SCN11A: variants seen among roughly 807,000 people sequenced by gnomAD.
The protein encoded by SCN11A is sodium voltage-gated channel alpha subunit 11.
Under a neutral mutation model 162.2 loss-of-function variants are expected in SCN11A, and 122 were observed. The ratio of observed to expected loss-of-function variants is 0.75; its 90% CI spans 0.65 to 0.87. SCN11A has a LOEUF of 0.87. Among genes scored for constraint, SCN11A ranks in the 40% least tolerant of loss-of-function variants. The pLI is 0.00. For synonymous variants in SCN11A, 758 were observed against 751.5 expected, an observed-to-expected ratio of 1.01 and a Z score of -0.14; for missense variants, 2,015 against 2,181.6, an observed-to-expected ratio of 0.92 and a Z score of 1.52.
intron 28 of SCN11A, among the ~76,000 whole-genome samples, chr3:38,851,567 A>G (rs1245000086): frequency 6.6e-6 from 1 of 152,202 alleles, no homozygotes; most frequent in African/African-American, 2.4e-5. Context: ...GTGAAGCACT[A>G]CTTTGTTCTT....
chr3:38,983,969 T>C (rs1343159975), intron 2 of SCN11A, among the ~76,000 whole-genome samples: 1 of 152,242 alleles, frequency 6.6e-6, no homozygotes, highest in East Asian at 1.9e-4. Flanking sequence ...CTCATTGATT[T>C]GTTCCCAGGA....
chr3:39,031,427 G>A (rs1294798149), intron 2 of SCN11A, among the ~76,000 whole-genome samples: 1 of 152,094 alleles, frequency 6.6e-6, no homozygotes, highest in African/African-American at 2.4e-5. Context: ...TTGGGAGGCT[G>A]AGGCAGGAGA....
intron 23 of SCN11A, among the ~76,000 whole-genome samples, chr3:38,878,191 T>TAAATAAAC (rs1553634663): frequency 6.6e-6 from 1 of 151,324 alleles, no homozygotes; most frequent in Non-Finnish European, 1.5e-5. Flanking sequence ...AATAAATAAA[T>TAAATAAAC]AAACCCACCC....
rs1323154177 is a variant in SCN11A at position 38,893,368 on chromosome 3, A to G, written c.2835+1165T>C. 1.1e-4 allele frequency among the ~76,000 whole-genome samples: 17 copies of G among 152,214 alleles called. 1 individual carries two copies. ...ACAGAAGAGACCCAAAATATATGAAATGAAAATTGACATAACTGTTGGAAG... is the reference window on the plus strand; with the variant it reads ...ACAGAAGAGACCCAAAATATATGAAGTGAAAATTGACATAACTGTTGGAAG... On this transcript the variant is annotated intron_variant, in intron 19 of 29. Coordinates refer to ENST00000302328, the MANE Select transcript of SCN11A (RefSeq NM_001349253.2).
chr3:38,893,665 T>C (rs2065537933), intron 19 of SCN11A, among the ~76,000 whole-genome samples: 1 of 152,170 alleles, frequency 6.6e-6, no homozygotes, highest in South Asian at 2.1e-4. Context: ...GTACAAAGTA[T>C]GTTCTCTGAT....
chr3:38,867,249 A>T, intron 27 of SCN11A, 72 bp downstream of exon 27: 1 of 1,426,528 alleles, frequency 7.0e-7, no homozygotes, highest in Non-Finnish European at 9.8e-7. Context: ...ATTCTAGGCC[A>T]GAATTATGTT....
At chr3:38,967,099 C>G (rs1001906756) in intron 2 of SCN11A, among the ~76,000 whole-genome samples, 15 of 152,150 alleles carry the variant, frequency 9.9e-5, no homozygotes, top group Non-Finnish European at 2.9e-5. Context: ...ATAGAATGTA[C>G]TTGAATATTA....
At position 38,910,201 on chromosome 3, in the gene SCN11A, A is replaced by G. The variant is rs749531345; in HGVS notation, c.966T>C (p.Cys322=). ...TGTGCTTACATTCATATTGTATGGA[A>G]CAGGCACTAGATATTGGAAACAAAC... is the stretch of plus-strand genomic sequence containing the variant. ...MCGIWMGNSA[C]SIQYECKHTK... The change falls in exon 12 of 30, where the codon TGT becomes TGC. Residue 322 remains cysteine, a synonymous_variant. Coordinates refer to ENST00000302328, the MANE Select transcript of SCN11A (RefSeq NM_001349253.2). The G allele has an allele frequency of 1.5e-5, 24 of 1,611,706 alleles. No homozygotes were observed. Among genetic ancestry groups the G allele is most frequent in the Non-Finnish European group, 2.0e-5 (24 of 1,178,912 alleles).
chr3:38,997,021 C>T (rs181286109), intron 2 of SCN11A, among the ~76,000 whole-genome samples: 1 of 152,310 alleles, frequency 6.6e-6, no homozygotes, highest in Non-Finnish European at 1.5e-5. Flanking sequence ...CAAGTGGCCT[C>T]CTAACTAATC....
intron 1 of SCN11A, among the ~76,000 whole-genome samples, chr3:39,041,551 T>C (rs2032049317): frequency 6.6e-6 from 1 of 152,206 alleles, no homozygotes; most frequent in Non-Finnish European, 1.5e-5. Flanking sequence ...TGGGATGATA[T>C]ATTCAAAGTG....
At chr3:38,872,139 C>G in intron 24 of SCN11A, 54 bp downstream of exon 24, 1 of 1,075,680 alleles carries the variant, frequency 9.3e-7, no homozygotes, top group Non-Finnish European at 1.4e-6. Context: ...AACTGTTGGT[C>G]TTTCCACCTT....
At chr3:38,961,499 G>C (rs2066740639) in intron 2 of SCN11A, among the ~76,000 whole-genome samples, 2 of 152,252 alleles carry the variant, frequency 1.3e-5, no homozygotes, top group Admixed American at 6.5e-5. Flanking sequence ...ATATGGCTTG[G>C]GTTTTTGAAG....
rs1210996327 is a variant in SCN11A at position 38,845,832 on chromosome 3, G to A, written c.*862C>T. The A allele has an allele frequency of 1.3e-5, 2 of 152,100 alleles. No homozygotes were observed. Among genetic ancestry groups the A allele is most frequent in the Admixed American group, 6.5e-5 (1 of 15,276 alleles). The allele number at this position is 152,100 out of a possible 1,614,324, so 9.4% of individuals were successfully genotyped here. On this transcript the variant is annotated 3_prime_UTR_variant, in exon 30 of 30. Coordinates refer to ENST00000302328, the MANE Select transcript of SCN11A (RefSeq NM_001349253.2). ...ATATATATCTGAGATGGTAGCTTGT[G>A]AAAGGGTAGTAATTGACAAGTCAAG... is the stretch of plus-strand genomic sequence containing the variant.
At chr3:38,954,537 TAAGA>T (rs1203224066) in intron 3 of SCN11A, among the ~76,000 whole-genome samples, 1 of 152,034 alleles carries the variant, frequency 6.6e-6, no homozygotes, top group Non-Finnish European at 1.5e-5. Context: ...CCTGGGTTCT[TAAGA>T]AAGAGAAACT....
intron 2 of SCN11A, among the ~76,000 whole-genome samples, chr3:39,022,478 T>C (rs929392744): frequency 1.5e-4 from 23 of 152,172 alleles, no homozygotes; most frequent in Admixed American, 5.2e-4. Flanking sequence ...TTATGAACCT[T>C]ATCTTTCTTC....
chr3:38,904,015 C>A lies in SCN11A; in HGVS notation c.1692G>T (p.Leu564=), dbSNP rs1442621125. Residue 564 remains leucine, a synonymous_variant, in exon 16 of 30, where the codon CTG becomes CTT. Transcript: ENST00000302328. ...CAGTTCTCAGGACCTTCTTAACGCA[C>A]AGCCACTGGGGGCAACAGTTCCACA... ...YLVWNCCPQW[L]CVKKVLRTVM... The A allele has an allele frequency of 6.2e-6, 10 of 1,613,038 alleles. No individual in the cohort carries two copies. The highest frequency in any genetic ancestry group is 7.6e-6 in the Non-Finnish European group (9 of 1,179,712).
intron 21 of SCN11A, 100 bp from the exon 22 acceptor site, chr3:38,883,487 G>A: frequency 1.9e-6 from 2 of 1,079,602 alleles, no homozygotes; most frequent in Non-Finnish European, 2.7e-6. Context: ...CTTGCCATGC[G>A]ACCTGCAGTT....
At chr3:38,867,792 T>C (rs1163923514) in intron 26 of SCN11A, among the ~76,000 whole-genome samples, 1 of 152,138 alleles carries the variant, frequency 6.6e-6, no homozygotes, top group Non-Finnish European at 1.5e-5. Context: ...TATGGGTATG[T>C]AACTGGAGGG....
In SCN11A at chr3:38,950,306, G is replaced by A; in HGVS notation, c.57C>T (p.Phe19=). Residue 19 remains phenylalanine (F), a synonymous_variant, in exon 5 of 30, where the codon TTC becomes TTT. Coordinates refer to ENST00000302328, the MANE Select transcript of SCN11A (RefSeq NM_001349253.2). ...CAATTGCAGCCAGAGAGTCGGAAGT[G>A]AAGGGGCGGAAATTCCGCTCATCTG... ...IFPDERNFRP[F]TSDSLAAIEK... 1 of 1,614,048 alleles carries A rather than the reference G, an allele frequency of 6.2e-7. No individual in the cohort carries two copies. The highest frequency in any genetic ancestry group is 1.3e-5 in the African/African-American group (1 of 75,024).
Sources: allele counts gnomAD v4.1 joint callset (sites outside exome capture counted in the v4.1 genomes callset), GRCh38; gene constraint gnomAD v4.1.1; transcripts MANE v1.5; gene names NCBI Gene and HGNC (gene_info 2026-07-23, HGNC 2026-07-21).